CNTNAP2: variants seen among roughly 807,000 people sequenced by gnomAD.
The protein encoded by CNTNAP2 is contactin associated protein 2, also known as contactin-associated protein-like 2.
In CNTNAP2, 98 loss-of-function variants were observed where a neutral mutation model predicts 155.2. The observed-to-expected ratio is 0.63, with a 90% CI of 0.54 to 0.75. CNTNAP2 has a LOEUF of 0.75. Ranked by LOEUF, CNTNAP2 falls within the 30% of genes least tolerant of loss-of-function variation. The pLI is 0.00. For synonymous variants in CNTNAP2, 651 were observed against 631.2 expected, an observed-to-expected ratio of 1.03 and a Z score of -0.47; for missense variants, 1,727 against 1,688.1, an observed-to-expected ratio of 1.02 and a Z score of -0.40.
Position 146,363,596 on chromosome 7 carries a change from T to C in CNTNAP2, c.97+246623T>C, listed in dbSNP as rs147906923. ...GGTGGCGAGGAAGAGGTGGCTGACATAGGGGAGAGTCCTAAGACAAAATCA... is the reference window on the plus strand; with the variant it reads ...GGTGGCGAGGAAGAGGTGGCTGACACAGGGGAGAGTCCTAAGACAAAATCA... On this transcript the variant is annotated intron_variant, in intron 1 of 23. Coordinates refer to ENST00000361727, the MANE Select transcript of CNTNAP2 (RefSeq NM_014141.6). 1.6e-4 allele frequency among the ~76,000 whole-genome samples: 25 copies of C among 152,188 alleles called. 1 individual carries two copies. Among genetic ancestry groups the C allele is most frequent in the African/African-American group, 4.6e-4 (19 of 41,538 alleles).
rs1292474425 is a variant in CNTNAP2 at position 147,240,606 on chromosome 7, G to A, written c.1349-59535G>A. Among the ~76,000 whole-genome samples the A allele has an allele frequency of 4.6e-5, 7 of 152,056 alleles. 1 individual carries two copies. In the South Asian group the frequency reaches 1.0e-3, roughly 23 times the overall value. On this transcript the variant is annotated intron_variant, in intron 8 of 23. Transcript: ENST00000361727. Reference sequence around the variant, plus strand: ...TATCTCCATAGCCTCTGTGGTGTTCGAGTTCCCTCAGTGTGTCACCTTTCT... The same window carrying A: ...TATCTCCATAGCCTCTGTGGTGTTCAAGTTCCCTCAGTGTGTCACCTTTCT...
At chr7:148,170,209 G>A (rs1223396789) in intron 17 of CNTNAP2, among the ~76,000 whole-genome samples, 1 of 152,086 alleles carries the variant, frequency 6.6e-6, no homozygotes, top group African/African-American at 2.4e-5. Context: ...AAAGAGATGG[G>A]GAGATCTAAA....
intron 8 of CNTNAP2, among the ~76,000 whole-genome samples, chr7:147,180,141 A>G (rs1802424955): frequency 6.6e-6 from 1 of 152,160 alleles, no homozygotes; most frequent in Admixed American, 6.5e-5. Flanking sequence ...ACAATCTCAC[A>G]AGACTCCAGC....
At chr7:146,476,779 C>T (rs951780905) in intron 1 of CNTNAP2, among the ~76,000 whole-genome samples, 4 of 152,064 alleles carry the variant, frequency 2.6e-5, no homozygotes, top group Non-Finnish European at 2.9e-5. Flanking sequence ...CTGAATACAT[C>T]CTATTCAGTA....
At chr7:148,056,495 G>C (rs908189864) in intron 15 of CNTNAP2, 7 of 152,186 alleles carry the variant, frequency 4.6e-5, no homozygotes, top group African/African-American at 1.7e-4. Flanking sequence ...CAATTAGAAT[G>C]CTCTCCCCAA....
chr7:146,440,084 A>G (rs1289282768), intron 1 of CNTNAP2, among the ~76,000 whole-genome samples: 1 of 151,718 alleles, frequency 6.6e-6, no homozygotes, highest in Admixed American at 6.6e-5. Context: ...AGGTTGTGCC[A>G]CTGCACTGCC....
At chr7:146,475,013 G>GCACACGCACA (rs1554438444) in intron 1 of CNTNAP2, among the ~76,000 whole-genome samples, 2 of 144,304 alleles carry the variant, frequency 1.4e-5, no homozygotes, top group African/African-American at 5.2e-5. Context: ...GCGCGCGCGC[G>GCACACGCACA]CACACACACA....
chr7:147,558,195 T>A (rs892844367), intron 11 of CNTNAP2, among the ~76,000 whole-genome samples: 4 of 152,320 alleles, frequency 2.6e-5, no homozygotes, highest in African/African-American at 9.6e-5. Context: ...TTTTTATGTA[T>A]TTATAAACAT....
At chr7:146,472,808 C>A (rs1316574472) in intron 1 of CNTNAP2, among the ~76,000 whole-genome samples, 1 of 151,870 alleles carries the variant, frequency 6.6e-6, no homozygotes, top group Non-Finnish European at 1.5e-5. Context: ...TTGAGCAGAT[C>A]ATACTTGGAC....
At chr7:147,539,351 T>A (rs1799601364) in intron 11 of CNTNAP2, among the ~76,000 whole-genome samples, 1 of 152,140 alleles carries the variant, frequency 6.6e-6, no homozygotes, top group African/African-American at 2.4e-5. Flanking sequence ...CTTCTACAGA[T>A]AATGGAACTG....
At chr7:148,390,445 G>A (rs1376817393) in intron 22 of CNTNAP2, among the ~76,000 whole-genome samples, 1 of 152,186 alleles carries the variant, frequency 6.6e-6, no homozygotes, top group Non-Finnish European at 1.5e-5. Flanking sequence ...GCTTTAAAAT[G>A]AGGGCTGTGC....
intron 8 of CNTNAP2, among the ~76,000 whole-genome samples, chr7:147,144,656 A>G (rs1009686546): frequency 6.6e-6 from 1 of 152,224 alleles, no homozygotes; most frequent in Non-Finnish European, 1.5e-5. Flanking sequence ...TAAACCCTTG[A>G]TAGTCTCTAT....
intron 8 of CNTNAP2, among the ~76,000 whole-genome samples, chr7:147,207,137 A>G (rs374252357): frequency 1.3e-5 from 2 of 152,248 alleles, no homozygotes; most frequent in African/African-American, 4.8e-5. Context: ...AATGTGAAAA[A>G]CTGTTGTCAG....
chr7:148,186,832 T>C (rs1386905343), intron 18 of CNTNAP2, among the ~76,000 whole-genome samples: 1 of 152,174 alleles, frequency 6.6e-6, no homozygotes, highest in African/African-American at 2.4e-5. Context: ...AAAACTAATA[T>C]GCTGACACAC....
At chr7:148,127,994 C>T (rs146463423) in intron 16 of CNTNAP2, among the ~76,000 whole-genome samples, 2,954 of 152,180 alleles carry the variant, frequency 0.019, 101 homozygotes, top group African/African-American at 0.067. Context: ...CTCAGCCTCC[C>T]GAGTAGCTGG....
intron 15 of CNTNAP2, among the ~76,000 whole-genome samples, chr7:148,028,522 G>A (rs78776961): frequency 0.041 from 6,229 of 152,270 alleles, 166 homozygotes; most frequent in South Asian, 0.12. Context: ...GCTGCAGTGA[G>A]CCATGATTGT....
At chr7:148,038,243 C>G (rs1398238628) in intron 15 of CNTNAP2, among the ~76,000 whole-genome samples, 2 of 152,214 alleles carry the variant, frequency 1.3e-5, no homozygotes, top group African/African-American at 4.8e-5. Context: ...TCAACCCCAT[C>G]AACTGTATTG....
chr7:148,215,482 GGCCTT>G (rs1376645298), intron 18 of CNTNAP2, among the ~76,000 whole-genome samples: 4 of 149,494 alleles, frequency 2.7e-5, no homozygotes, highest in Non-Finnish European at 5.9e-5. Context: ...ATTTATTCAT[GGCCTT>G]CCCCAGCTCC....
chr7:146,957,792 G>GA (rs1797466801), intron 3 of CNTNAP2, among the ~76,000 whole-genome samples: 1 of 152,018 alleles, frequency 6.6e-6, no homozygotes, highest in African/African-American at 2.4e-5. Flanking sequence ...CCACAGAAAT[G>GA]AAAAATTAAT....
Sources: gnomAD v4.1 joint callset for allele counts (sites outside exome capture counted in the v4.1 genomes callset) on GRCh38, gnomAD v4.1.1 for gene constraint, MANE v1.5 for transcripts, NCBI Gene and HGNC (gene_info 2026-07-23, HGNC 2026-07-21) for gene names.